ARHGEF11: variants seen among roughly 807,000 people sequenced by gnomAD.
The protein encoded by ARHGEF11 is Rho guanine exchange factor (GEF) 11.
In ARHGEF11, 55 loss-of-function variants were observed where a neutral mutation model predicts 193.7. The ratio of observed to expected loss-of-function variants is 0.28; its 90% confidence interval spans 0.23 to 0.36. The LOEUF is 0.36. ARHGEF11 is among the 10% of genes least tolerant of loss of function. The probability of loss-of-function intolerance (pLI) is 1.00; values close to 1 mark genes in which losing one functional copy is unlikely to be tolerated. For missense variants in ARHGEF11, 1,723 were observed against 2,005.6 expected (o/e 0.86, Z 2.69); for synonymous variants, 693 against 768.0 (o/e 0.90, Z 1.62).
chr1:157,007,367 G>A (rs541980682), intron 1 of ARHGEF11, among the ~76,000 whole-genome samples: 76 of 152,238 alleles, frequency 5.0e-4, no homozygotes, highest in African/African-American at 1.8e-3. Context: ...GGGCATCACA[G>A]TATTTAAACA....
At chr1:157,017,843 G>T (rs1454490395) in intron 1 of ARHGEF11, among the ~76,000 whole-genome samples, 1 of 151,506 alleles carries the variant, frequency 6.6e-6, no homozygotes, top group Non-Finnish European at 1.5e-5. Context: ...CTAAAATCCT[G>T]ATATTCTCCA....
At chr1:156,978,094 G>A (rs1571331389) in intron 6 of ARHGEF11, 110 bp downstream of exon 6, 1 of 1,467,398 alleles carries the variant, frequency 6.8e-7, no homozygotes, top group Non-Finnish European at 9.2e-7. Flanking sequence ...ATGTCTTTTG[G>A]CTTGTCTCTG....
intron 6 of ARHGEF11, among the ~76,000 whole-genome samples, chr1:156,977,325 T>C (rs1663406002): frequency 6.6e-6 from 1 of 152,262 alleles, no homozygotes; most frequent in African/African-American, 2.4e-5. Context: ...TGAAAAGTCC[T>C]GTTCCCTATA....
intron 5 of ARHGEF11, 61 bp downstream of exon 5, chr1:156,979,168 C>T (rs1247440820): frequency 1.4e-6 from 2 of 1,449,358 alleles, no homozygotes; most frequent in Non-Finnish European, 1.9e-6. Flanking sequence ...TTTCCTCCCT[C>T]CTTTCCTCCC....
intron 1 of ARHGEF11, among the ~76,000 whole-genome samples, chr1:157,001,421 T>A (rs1291416318): frequency 6.6e-6 from 1 of 152,234 alleles, no homozygotes; most frequent in East Asian, 1.9e-4. Context: ...CACAGTTTCA[T>A]CACCCAGGAT....
intron 15 of ARHGEF11, among the ~76,000 whole-genome samples, chr1:156,959,817 C>G (rs1660520123): frequency 6.6e-6 from 1 of 152,130 alleles, no homozygotes; most frequent in African/African-American, 2.4e-5. Flanking sequence ...AATTCTTCTA[C>G]TCATGATTAG....
At chr1:156,955,040 T>C in intron 20 of ARHGEF11, 119 bp from the exon 21 acceptor site, 1 of 828,826 alleles carries the variant, frequency 1.2e-6, no homozygotes. Context: ...AAATCAAGGC[T>C]GATCTAGAAG....
chr1:157,012,222 G>T (rs1037791216), intron 1 of ARHGEF11, among the ~76,000 whole-genome samples: 3 of 152,144 alleles, frequency 2.0e-5, no homozygotes, highest in Non-Finnish European at 4.4e-5. Context: ...AGTGAAAGAC[G>T]CCAGTTACAA....
At position 156,944,448 on chromosome 1, in the gene ARHGEF11, C is replaced by A. The variant is rs1657706346; in HGVS notation, c.2992-15G>T. ...AGATCCAGGCTCTGTTAAGGAGACACCATTCATTCATTCATTCATTCATTC... is the reference window on the plus strand; with the variant it reads ...AGATCCAGGCTCTGTTAAGGAGACAACATTCATTCATTCATTCATTCATTC... On this transcript the variant is annotated splice_polypyrimidine_tract_variant and intron_variant, in intron 30 of 40. Transcript: ENST00000368194. 2.7e-6 allele frequency: 4 copies of A among 1,504,682 alleles called. No homozygotes were observed. The African/African-American group carries it at 5.6e-5, about 21-fold the overall frequency. 93.2% of individuals were successfully genotyped at this position (1,504,682 alleles called of 1,614,324 possible).
At chr1:156,964,129 T>A (rs1427531311) in intron 11 of ARHGEF11, among the ~76,000 whole-genome samples, 2 of 152,204 alleles carry the variant, frequency 1.3e-5, no homozygotes, top group African/African-American at 2.4e-5. Flanking sequence ...ATGCGGCTGA[T>A]CTTTCTCTAA....
chr1:157,022,184 G>A (rs1670062484), intron 1 of ARHGEF11, among the ~76,000 whole-genome samples: 1 of 152,100 alleles, frequency 6.6e-6, no homozygotes, highest in Non-Finnish European at 1.5e-5. Context: ...AGTCTAGCTA[G>A]GGAAATTAGA....
intron 33 of ARHGEF11, among the ~76,000 whole-genome samples, chr1:156,942,321 C>T (rs892030536): frequency 6.6e-6 from 1 of 152,246 alleles, no homozygotes; most frequent in Non-Finnish European, 1.5e-5. Context: ...TCTCCTTCCA[C>T]TGTACCATGC....
At chr1:156,969,970 G>T in intron 9 of ARHGEF11, 28 bp downstream of exon 9, 2 of 1,612,554 alleles carry the variant, frequency 1.2e-6, no homozygotes, top group East Asian at 4.5e-5. Flanking sequence ...AGATATGCCA[G>T]AGAAAAAAGG....
intron 11 of ARHGEF11, 57 bp downstream of exon 11, chr1:156,967,930 C>A: frequency 1.2e-6 from 2 of 1,611,122 alleles, no homozygotes; most frequent in South Asian, 1.1e-5. Flanking sequence ...AACACCCATG[C>A]CTCCAAATCT....
At chr1:156,957,214 T>C (rs1174786605) in intron 18 of ARHGEF11, among the ~76,000 whole-genome samples, 1 of 152,228 alleles carries the variant, frequency 6.6e-6, no homozygotes, top group African/African-American at 2.4e-5. Context: ...CAGCTCTGTC[T>C]GTATTTCCCT....
chr1:156,991,236 G>A (rs929398681), intron 1 of ARHGEF11, among the ~76,000 whole-genome samples: 1 of 152,176 alleles, frequency 6.6e-6, no homozygotes, highest in Non-Finnish European at 1.5e-5. Context: ...TTTTCTTGCA[G>A]TTTTGTTTTG....
rs1216753665 is a variant in ARHGEF11 at position 156,948,986 on chromosome 1, C to CT, written c.1926-489dup. On this transcript the variant is annotated intron_variant, in intron 22 of 40. Coordinates refer to ENST00000368194, the MANE Select transcript of ARHGEF11 (RefSeq NM_198236.3). The surrounding 1 kb of genome is among the most constrained non-coding windows in gnomAD (Gnocchi z 4.2). ...CTGAGGCGAACCTCTTTTAAGAGGT[C>CT]TTAAGAGGAAAGTGGAGTCACTATA... The CT allele has an allele frequency of 1.0e-6, 1 of 985,450 alleles. No individual in the cohort carries two copies. Among genetic ancestry groups the CT allele is most frequent in the Non-Finnish European group, 1.2e-6 (1 of 829,930 alleles). 61.0% of individuals were successfully genotyped at this position (985,450 alleles called of 1,614,324 possible).
rs935746234 is a variant in ARHGEF11 at position 156,967,903 on chromosome 1, C to T, written c.963+84G>A. 7 of 1,598,228 alleles carry T rather than the reference C, an allele frequency of 4.4e-6. No individual in the cohort carries two copies. The African/African-American group carries it at 8.0e-5, about 18-fold the overall frequency. On this transcript the variant is annotated intron_variant, in intron 11 of 40. Transcript: ENST00000368194. ...GAAGCAGGGGTTTAGTCTGATGATC[C>T]AAGACGATGTACTGGTAACACCCAT...
At position 156,947,033 on chromosome 1, in the gene ARHGEF11, CA is replaced by C. The variant is rs1658264171; in HGVS notation, c.2489-19del. ...CCAGGAATCTGGGGCAGGAAGAGAA[CA>C]AATAGAAATGCCTGGGGTTGAGCTC... On this transcript the variant is annotated intron_variant, in intron 26 of 40. Transcript: ENST00000368194. 3.7e-6 allele frequency: 6 copies of C among 1,613,998 alleles called. No individual in the cohort carries two copies. The highest frequency in any genetic ancestry group is 5.1e-6 in the Non-Finnish European group (6 of 1,179,944).
Sources: gnomAD v4.1 joint callset for allele counts (sites outside exome capture counted in the v4.1 genomes callset) on GRCh38, gnomAD v4.1.1 for gene constraint, Gnocchi (gnomAD v3.1) non-coding constraint, MANE v1.5 for transcripts, NCBI Gene and HGNC (gene_info 2026-07-23, HGNC 2026-07-21) for gene names.